The following RIF1 variants were observed in gnomAD, a reference collection of about 807,000 sequenced individuals.
RIF1 encodes the protein replication timing regulatory factor 1, also known as telomere-associated protein RIF1.
A neutral mutation model predicts 247.1 loss-of-function variants in RIF1; 45 were observed. The observed-to-expected ratio is 0.18, with a 90% CI of 0.14 to 0.23. RIF1 has a LOEUF of 0.23. Ranked by LOEUF, RIF1 falls within the 10% of genes least tolerant of loss-of-function variation. RIF1 has a pLI of 1.00. For missense variants in RIF1, 2,967 were observed against 2,862.5 expected, an observed-to-expected ratio of 1.04 and a Z score of -0.83; for synonymous variants, 1,087 against 978.8, an observed-to-expected ratio of 1.11 and a Z score of -2.06.
At position 151,450,976 on chromosome 2, in the gene RIF1, C is replaced by T. The variant is rs116361487; in HGVS notation, c.2245-630C>T. 3.4e-3 allele frequency among the ~76,000 whole-genome samples: 511 copies of T among 152,208 alleles called. 3 individuals are homozygous for T. Among genetic ancestry groups the T allele is most frequent in the African/African-American group, 0.012 (487 of 41,538 alleles). ...GGAATTTGATAGAGAATCTGTGATC[C>T]TAGTATTTCCAATCTCAGTTTATTG... On this transcript the variant is annotated intron_variant, in intron 20 of 35. Transcript: ENST00000444746.
intron 20 of RIF1, among the ~76,000 whole-genome samples, chr2:151,447,533 AATTCTATTATTT>A (rs1176494541): frequency 6.6e-6 from 1 of 151,884 alleles, no homozygotes; most frequent in Non-Finnish European, 1.5e-5. Flanking sequence ...CATTACTTGG[AATTCTATTATTT>A]ATTTATTTAT....
At chr2:151,454,728 T>C (rs1056061074) in intron 21 of RIF1, among the ~76,000 whole-genome samples, 167 bp from the exon 22 acceptor site, 2 of 152,208 alleles carry the variant, frequency 1.3e-5, no homozygotes, top group Non-Finnish European at 2.9e-5. Flanking sequence ...GTGATACTTA[T>C]CCATTAATGG....
At position 151,464,465 on chromosome 2, in the gene RIF1, G is replaced by C. The variant is rs757273736; in HGVS notation, c.4945G>C (p.Val1649Leu). The C allele has an allele frequency of 6.2e-7, 1 of 1,613,492 alleles. No individual in the cohort carries two copies. The highest frequency in any genetic ancestry group is 1.1e-5 in the South Asian group (1 of 90,816). Residue 1649 changes from valine (V) to leucine (L), a missense_variant, in exon 30 of 36, where the codon GTG (valine) becomes CTG (leucine). Val to Leu is a conservative substitution (Grantham distance 32). Transcript: ENST00000444746. ...GCAAGTTCCTGATGATTTACCAAAT[G>C]TGTGTGAGGAAAAAAATGAAACTAG... Reference protein sequence around the residue: ...LLQVPDDLPNVCEEKNETSKY... With the variant: ...LLQVPDDLPNLCEEKNETSKY...
At chr2:151,532,066 G>A in the RIF1 span, 2 of 571,592 alleles carry the variant, frequency 3.5e-6, no homozygotes, top group African/African-American at 3.8e-5. Context: ...GTGAAATGGA[G>A]TGAGCAGATG....
intron 16 of RIF1, among the ~76,000 whole-genome samples, chr2:151,442,856 AATTCTCCCGGTCTCATGCC>A (rs1692595306): frequency 7.0e-6 from 1 of 142,288 alleles, no homozygotes; most frequent in Non-Finnish European, 1.5e-5. Context: ...ACTGCAACCT[AATTCTCCCGGTCTCATGCC>A]ATTCTCCTGC....
rs2048912811 is a variant in RIF1 at position 151,476,042 on chromosome 2, A to C, written c.*971A>C. 6.6e-6 allele frequency: 1 copy of C among 152,340 alleles called. No homozygotes were observed. Among genetic ancestry groups the C allele is most frequent in the South Asian group, 2.1e-4 (1 of 4,836 alleles). The allele number at this position is 152,340 out of a possible 1,614,324, so 9.4% of individuals were successfully genotyped here. A position where few individuals can be genotyped will look rare whatever the true frequency, so the allele number is the denominator to read the frequency against. On this transcript the variant is annotated 3_prime_UTR_variant, in exon 36 of 36. Transcript: ENST00000444746. ...ATGAGTTTATTTTCTAAAAGTATCC[A>C]GAATAAGTAAAATTATAGAAATAAG...
chr2:151,448,229 A>C (rs1693658254), intron 20 of RIF1, among the ~76,000 whole-genome samples: 2 of 151,906 alleles, frequency 1.3e-5, no homozygotes, highest in Admixed American at 1.3e-4. Context: ...TTTTTAGTAG[A>C]GAGGGGGTTT....
chr2:151,513,241 T>C, the RIF1 span, among the ~76,000 whole-genome samples: 5 of 152,278 alleles, frequency 3.3e-5, no homozygotes, highest in African/African-American at 9.6e-5. Context: ...TCCCAAGATA[T>C]TCTAAGCAAG....
the RIF1 span, among the ~76,000 whole-genome samples, chr2:151,531,459 G>A: frequency 6.6e-6 from 1 of 151,884 alleles, no homozygotes; most frequent in Non-Finnish European, 1.5e-5. Context: ...TGGGACCACA[G>A]GCATGCACCA....
At chr2:151,531,687 C>G in the RIF1 span, 1 of 845,134 alleles carries the variant, frequency 1.2e-6, no homozygotes, top group Non-Finnish European at 2.0e-6. Context: ...CTCCCTCCCA[C>G]TAAATGGCAG....
intron 34 of RIF1, among the ~76,000 whole-genome samples, chr2:151,472,683 T>A (rs1297002037): frequency 1.3e-5 from 2 of 152,154 alleles, no homozygotes; most frequent in African/African-American, 4.8e-5. Flanking sequence ...TTACTGATTG[T>A]CATATGTTGA....
chr2:151,423,380 T>C, intron 8 of RIF1: 1 of 188,686 alleles, frequency 5.3e-6, no homozygotes, highest in Non-Finnish European at 1.1e-5. Context: ...ATTTTTCACT[T>C]TTCTGTGCTT....
chr2:151,513,769 A>G, the RIF1 span: 2 of 1,013,554 alleles, frequency 2.0e-6, no homozygotes, highest in Non-Finnish European at 3.0e-6. Flanking sequence ...GGTGAATGTA[A>G]ATCCACATAA....
intron 22 of RIF1, among the ~76,000 whole-genome samples, chr2:151,456,344 A>G (rs1032773024): frequency 6.6e-6 from 1 of 152,202 alleles, no homozygotes; most frequent in African/African-American, 2.4e-5. Context: ...TAATATGATT[A>G]TTACTTTGAG....
At chr2:151,422,534 C>T (rs1331293952) in intron 7 of RIF1, among the ~76,000 whole-genome samples, 1 of 149,644 alleles carries the variant, frequency 6.7e-6, no homozygotes, top group Non-Finnish European at 1.5e-5. Context: ...CAGTCTTGCT[C>T]TGTCGCCCAG....
At chr2:151,424,877 G>C (rs4467261) in intron 8 of RIF1, among the ~76,000 whole-genome samples, 47,152 of 122,772 alleles carry the variant, frequency 0.38, 8,563 homozygotes, top group Middle Eastern at 0.48. Context: ...TGTAGAGACT[G>C]GGTTTTGCCG....
chr2:151,418,379 A>AT (rs1240456850), intron 6 of RIF1, among the ~76,000 whole-genome samples: 2 of 152,088 alleles, frequency 1.3e-5, no homozygotes, highest in African/African-American at 4.8e-5. Context: ...AAATTTTTGT[A>AT]TTTTTAGCAG....
intron 25 of RIF1, among the ~76,000 whole-genome samples, chr2:151,459,753 CAT>C (rs1695842589): frequency 1.3e-5 from 2 of 152,134 alleles, no homozygotes; most frequent in African/African-American, 4.8e-5. Flanking sequence ...GTTTATGTGA[CAT>C]GTCTCATTTT....
At position 151,462,327 on chromosome 2, in the gene RIF1, G is replaced by C. The variant is rs372581674; in HGVS notation, c.3308+5G>C. The C allele has an allele frequency of 1.2e-5, 19 of 1,549,612 alleles. No individual in the cohort carries two copies. Among genetic ancestry groups the C allele is most frequent in the Non-Finnish European group, 1.7e-5 (19 of 1,142,876 alleles). ...GTATAGTCAGGAAGAGCCTATGTAA[G>C]TACAGAAGCCATCAAACTTTTATAT... On this transcript the variant is annotated splice_donor_5th_base_variant and intron_variant, in intron 28 of 35. Transcript: ENST00000444746.
Sources: allele counts gnomAD v4.1 joint callset (sites outside exome capture counted in the v4.1 genomes callset), GRCh38; gene constraint gnomAD v4.1.1; transcripts MANE v1.5; gene names NCBI Gene and HGNC (gene_info 2026-07-23, HGNC 2026-07-21).